GALNT17: variants seen among roughly 807,000 people sequenced by gnomAD.
GALNT17 encodes the protein UDP-GalNAc:polypeptide N-acetylgalactosaminyltransferase-like 3.
A neutral mutation model predicts 63.7 loss-of-function variants in GALNT17; 29 were observed. The ratio of observed to expected loss-of-function variants is 0.46; its 90% CI spans 0.34 to 0.62. GALNT17 has a LOEUF of 0.62. GALNT17 is among the 20% of genes least tolerant of loss of function. The probability of loss-of-function intolerance (pLI) is 0.01; values close to 1 mark genes in which losing one functional copy is unlikely to be tolerated. For synonymous variants in GALNT17, 305 were observed against 318.3 expected, an observed-to-expected ratio of 0.96 and a Z score of 0.45; for missense variants, 603 against 799.6, an observed-to-expected ratio of 0.75 and a Z score of 2.97.
chr7:71,336,704 G>A (rs1239780051), intron 2 of GALNT17, among the ~76,000 whole-genome samples: 2 of 152,194 alleles, frequency 1.3e-5, no homozygotes, highest in Non-Finnish European at 2.9e-5. Context: ...ATTCCATGGT[G>A]TATATGTGCC....
At chr7:71,142,343 A>G (rs998024399) in intron 1 of GALNT17, among the ~76,000 whole-genome samples, 2 of 152,048 alleles carry the variant, frequency 1.3e-5, no homozygotes, top group Non-Finnish European at 2.9e-5. Flanking sequence ...CCATGTGTTT[A>G]TCTGAGCCAG....
chr7:71,337,650 A>G (rs1029426707), intron 2 of GALNT17, among the ~76,000 whole-genome samples: 9 of 152,104 alleles, frequency 5.9e-5, no homozygotes, highest in Non-Finnish European at 8.8e-5. Context: ...AGGGTGGATC[A>G]CGAGGTCAGG....
intron 5 of GALNT17, among the ~76,000 whole-genome samples, chr7:71,439,313 T>C (rs940293679): frequency 2.6e-5 from 4 of 152,222 alleles, no homozygotes; most frequent in Non-Finnish European, 4.4e-5. Context: ...ACTTACAGAA[T>C]GGTGAACACC....
At chr7:71,262,820 A>G (rs117326949) in intron 1 of GALNT17, among the ~76,000 whole-genome samples, 5,382 of 151,354 alleles carry the variant, frequency 0.036, 112 homozygotes, top group South Asian at 0.06. Flanking sequence ...AGCTGGGACC[A>G]CAGGCACGAG....
intron 6 of GALNT17, among the ~76,000 whole-genome samples, chr7:71,649,015 C>T (rs1790719301): frequency 6.6e-6 from 1 of 152,208 alleles, no homozygotes; most frequent in African/African-American, 2.4e-5. Context: ...CTTTTAGGGT[C>T]CTCTTCATCC....
At chr7:71,489,752 A>G (rs1787976329) in intron 5 of GALNT17, among the ~76,000 whole-genome samples, 1 of 152,252 alleles carries the variant, frequency 6.6e-6, no homozygotes, top group Non-Finnish European at 1.5e-5. Context: ...TGTAGCTTAT[A>G]CAGCATTTTC....
chr7:71,407,855 G>T (rs1793356858), intron 3 of GALNT17, among the ~76,000 whole-genome samples: 1 of 152,142 alleles, frequency 6.6e-6, no homozygotes, highest in Non-Finnish European at 1.5e-5. Flanking sequence ...TGAACCATGT[G>T]TATTAGGCAA....
At chr7:71,137,159 A>G (rs1480953225) in intron 1 of GALNT17, among the ~76,000 whole-genome samples, 4 of 48,954 alleles carry the variant, frequency 8.2e-5, no homozygotes, top group African/African-American at 2.6e-4. Context: ...TTTTTTTTTG[A>G]GACAGAGTCT....
intron 6 of GALNT17, among the ~76,000 whole-genome samples, chr7:71,628,272 A>G (rs12699060): frequency 0.43 from 66,163 of 152,156 alleles, 16,648 homozygotes; most frequent in East Asian, 0.76. Flanking sequence ...TTTTATTATT[A>G]GATTCAACCG....
At chr7:71,577,491 G>C (rs574871285) in intron 6 of GALNT17, among the ~76,000 whole-genome samples, 5 of 151,934 alleles carry the variant, frequency 3.3e-5, no homozygotes, top group Admixed American at 6.6e-5. Flanking sequence ...GATATAAGAG[G>C]GTTTGAGGAT....
intron 1 of GALNT17, among the ~76,000 whole-genome samples, chr7:71,267,099 G>A (rs1790504682): frequency 6.6e-6 from 1 of 152,216 alleles, no homozygotes; most frequent in Admixed American, 6.5e-5. Context: ...GTGCTTTCCA[G>A]TTAGCACATG....
intron 1 of GALNT17, among the ~76,000 whole-genome samples, chr7:71,248,976 AT>A (rs886312048): frequency 0.018 from 442 of 24,030 alleles, 4 homozygotes; most frequent in African/African-American, 0.13. Flanking sequence ...AATAGAGGTG[AT>A]GTTATGCTCC....
intron 2 of GALNT17, among the ~76,000 whole-genome samples, chr7:71,378,971 C>T (rs1332499436): frequency 2.6e-5 from 4 of 152,258 alleles, no homozygotes; most frequent in Admixed American, 2.6e-4. Context: ...CGCTGCACTC[C>T]AGCCTGGGCG....
At chr7:71,467,372 T>C (rs1787553529) in intron 5 of GALNT17, among the ~76,000 whole-genome samples, 1 of 152,132 alleles carries the variant, frequency 6.6e-6, no homozygotes, top group Non-Finnish European at 1.5e-5. Flanking sequence ...CAAATATGGT[T>C]TTATGCCCAT....
At chr7:71,133,087 G>T (rs1489051557) in intron 1 of GALNT17, 47 bp downstream of exon 1, 1 of 1,452,258 alleles carries the variant, frequency 6.9e-7, no homozygotes, top group Non-Finnish European at 9.1e-7. Context: ...GGGCGGGCCG[G>T]GCACAGGGTG....
intron 1 of GALNT17, among the ~76,000 whole-genome samples, chr7:71,332,369 A>G (rs1791821572): frequency 6.6e-6 from 1 of 152,116 alleles, no homozygotes; most frequent in Admixed American, 6.6e-5. Context: ...TCTCAAGAGA[A>G]CCCAAAATCT....
intron 6 of GALNT17, among the ~76,000 whole-genome samples, chr7:71,581,484 A>G (rs1789634462): frequency 6.6e-6 from 1 of 152,080 alleles, no homozygotes. Context: ...AGATCTCGTG[A>G]GAACTCACTC....
intron 6 of GALNT17, among the ~76,000 whole-genome samples, chr7:71,622,543 TC>T (rs1790311623): frequency 6.6e-6 from 1 of 152,144 alleles, no homozygotes; most frequent in Non-Finnish European, 1.5e-5. Flanking sequence ...GCATCAACTG[TC>T]TTGGACTCCT....
chr7:71,483,306 A>G (rs1255282123), intron 5 of GALNT17, among the ~76,000 whole-genome samples: 1 of 152,060 alleles, frequency 6.6e-6, no homozygotes, highest in Non-Finnish European at 1.5e-5. Context: ...CTCTGTCTCT[A>G]TTAAAAATAA....
Sources: allele counts gnomAD v4.1 joint callset (sites outside exome capture counted in the v4.1 genomes callset), GRCh38; gene constraint gnomAD v4.1.1; transcripts MANE v1.5; gene names NCBI Gene and HGNC (gene_info 2026-07-23, HGNC 2026-07-21).